The following PCNT variants were observed in gnomAD, a reference collection of about 807,000 sequenced individuals.
The protein encoded by PCNT is pericentrin.
In PCNT, 319 loss-of-function variants were observed where a neutral mutation model predicts 380.4. That is an observed-to-expected ratio of 0.84 (90% CI 0.77 to 0.92). The LOEUF is 0.92. PCNT is among the 40% of genes least tolerant of loss of function. PCNT has a pLI of 0.00. For synonymous variants in PCNT, 1,845 were observed against 1,735.2 expected (o/e 1.06, Z -1.57); for missense variants, 4,400 against 4,255.3 (o/e 1.03, Z -0.95).
chr21:46,440,978 A>G lies in PCNT; in HGVS notation c.9517A>G (p.Met3173Val), dbSNP rs145016538. The stretch of plus-strand genomic sequence containing the variant: ...GGATTCTGAACAAGAAACACTCTCC[A>G]TGATTGCCCATTTGGGGGTATTTCC... ...FQDSEQETLS[M>V]IAHLGVFPSK... The change falls in exon 43 of 47, where the codon ATG becomes GTG. Residue 3173 changes from methionine (M) to valine (V), a missense_variant. Transcript: ENST00000359568. 16 of 1,613,644 alleles carry G rather than the reference A, an allele frequency of 9.9e-6. No individual in the cohort carries two copies. The highest frequency in any genetic ancestry group is 9.3e-5 in the African/African-American group (7 of 74,936).
intron 2 of PCNT, among the ~76,000 whole-genome samples, chr21:46,333,305 G>A (rs967542272): frequency 1.3e-5 from 2 of 151,974 alleles, no homozygotes; most frequent in African/African-American, 4.8e-5. Flanking sequence ...GGTGGCACGC[G>A]CCTGTAGTCC....
intron 6 of PCNT, among the ~76,000 whole-genome samples, chr21:46,347,988 G>A (rs2084129244): frequency 6.6e-6 from 1 of 152,214 alleles, no homozygotes; most frequent in Non-Finnish European, 1.5e-5. Context: ...TCCGCTAGAG[G>A]GCTGAGCTGT....
chr21:46,366,287 G>A (rs115674777), intron 14 of PCNT, among the ~76,000 whole-genome samples: 4 of 152,258 alleles, frequency 2.6e-5, no homozygotes, highest in East Asian at 1.9e-4. Flanking sequence ...CTCTGGCGGG[G>A]ATGTGTGTGT....
chr21:46,442,399 C>T, intron 43 of PCNT, 98 bp from the exon 44 acceptor site: 1 of 765,020 alleles, frequency 1.3e-6, no homozygotes, highest in Non-Finnish European at 2.3e-6. Context: ...GGCAGCGAGG[C>T]CCCCATTCTG....
intron 16 of PCNT, among the ~76,000 whole-genome samples, chr21:46,384,478 A>G (rs1377594082): frequency 3.0e-4 from 36 of 118,612 alleles, no homozygotes; most frequent in Admixed American, 6.9e-4. Context: ...ATTCAGTGGC[A>G]GAAGCGCATT....
chr21:46,345,576 C>T (rs1195538981), intron 3 of PCNT, among the ~76,000 whole-genome samples: 1 of 152,104 alleles, frequency 6.6e-6, no homozygotes, highest in Non-Finnish European at 1.5e-5. Flanking sequence ...TTTCCTTCTT[C>T]TTTTTTTAAT....
In PCNT at chr21:46,403,057, A is replaced by G. The variant is rs1569258079; in HGVS notation, c.5115+574A>G. 1.3e-5 allele frequency among the ~76,000 whole-genome samples: 2 copies of G among 152,286 alleles called. 1 individual carries two copies. Among genetic ancestry groups the G allele is most frequent in the Non-Finnish European group, 2.9e-5 (2 of 68,050 alleles). On this transcript the variant is annotated intron_variant, in intron 27 of 46. Transcript: ENST00000359568. ...ATATTCAAAATTGCAGAGCATTCAT[A>G]ACTTCACAGATGCCCTTGAAAGACC...
At chr21:46,403,528 C>T (rs1336065254) in intron 27 of PCNT, among the ~76,000 whole-genome samples, 16 of 122,484 alleles carry the variant, frequency 1.3e-4, no homozygotes, top group Admixed American at 8.5e-5. Flanking sequence ...GGCGTGTGCT[C>T]GGTGAATGAA....
chr21:46,383,905 C>T (rs1463451120), intron 16 of PCNT, among the ~76,000 whole-genome samples: 6 of 144,650 alleles, frequency 4.1e-5, no homozygotes, highest in East Asian at 2.3e-4. Flanking sequence ...GTGGCAGAAG[C>T]GCATTCACAG....
Position 46,416,846 on chromosome 21 carries a change from G to C in PCNT, c.6921+7G>C, listed in dbSNP as rs768767195. 1.3e-6 allele frequency: 2 copies of C among 1,597,074 alleles called. No individual in the cohort carries two copies. The highest frequency in any genetic ancestry group is 1.9e-4 in the Middle Eastern group (1 of 5,136). On this transcript the variant is annotated splice_region_variant and intron_variant, in intron 30 of 46. Transcript: ENST00000359568. ...TGTGCAGAGGACGGCTGTGGTAGGT[G>C]CCTGCTCTGCTCCCAGGCCTGCTGT...
chr21:46,380,021 T>C (rs2085460266), intron 15 of PCNT, among the ~76,000 whole-genome samples: 1 of 152,164 alleles, frequency 6.6e-6, no homozygotes, highest in African/African-American at 2.4e-5. Flanking sequence ...GGACATCGCA[T>C]TCTCAAGTGT....
At chr21:46,430,388 G>T in intron 36 of PCNT, 119 bp from the exon 37 acceptor site, 1 of 1,424,042 alleles carries the variant, frequency 7.0e-7, no homozygotes, top group Non-Finnish European at 9.6e-7. Context: ...ATCCTGTGGT[G>T]GGGGGTGAAG....
chr21:46,423,739 GGAA>G (rs1420743646), intron 32 of PCNT, among the ~76,000 whole-genome samples: 1 of 4,674 alleles, frequency 2.1e-4, no homozygotes, highest in Non-Finnish European at 4.3e-4. Context: ...GAGGGGGAGG[GGAA>G]GAGGGGAGGA....
At chr21:46,352,211 G>C (rs1455596352) in intron 9 of PCNT, among the ~76,000 whole-genome samples, 1 of 152,250 alleles carries the variant, frequency 6.6e-6, no homozygotes, top group Non-Finnish European at 1.5e-5. Flanking sequence ...ACTTGTCCTT[G>C]TGGGTGGTGG....
At chr21:46,361,400 A>AG (rs907646371) in intron 13 of PCNT, among the ~76,000 whole-genome samples, 1 of 152,180 alleles carries the variant, frequency 6.6e-6, no homozygotes, top group Admixed American at 6.5e-5. Flanking sequence ...CAAAGAAAAG[A>AG]GAAAAAAAAG....
At chr21:46,410,616 C>A (rs777094683) in intron 27 of PCNT, among the ~76,000 whole-genome samples, 1 of 152,170 alleles carries the variant, frequency 6.6e-6, no homozygotes, top group Non-Finnish European at 1.5e-5. Flanking sequence ...TGGAAACAAT[C>A]GTATTTCCTT....
chr21:46,414,857 C>T (rs549540300), intron 29 of PCNT, among the ~76,000 whole-genome samples: 1 of 148,772 alleles, frequency 6.7e-6, no homozygotes, highest in Non-Finnish European at 1.5e-5. Flanking sequence ...CAGACACCTA[C>T]CCTCCTCCTG....
At chr21:46,437,533 C>A (rs972698598) in intron 40 of PCNT, among the ~76,000 whole-genome samples, 1 of 152,226 alleles carries the variant, frequency 6.6e-6, no homozygotes, top group Non-Finnish European at 1.5e-5. Flanking sequence ...TTTGCGTTGA[C>A]GGCCTTTGCT....
intron 27 of PCNT, among the ~76,000 whole-genome samples, chr21:46,408,095 A>G (rs1380770709): frequency 6.6e-6 from 1 of 152,242 alleles, no homozygotes; most frequent in Non-Finnish European, 1.5e-5. Flanking sequence ...TGTAATAATC[A>G]CCACAATCTC....
Sources: allele counts gnomAD v4.1 joint callset (sites outside exome capture counted in the v4.1 genomes callset), GRCh38; gene constraint gnomAD v4.1.1; transcripts MANE v1.5; gene names NCBI Gene and HGNC (gene_info 2026-07-23, HGNC 2026-07-21).